SNTG1: variants seen among roughly 807,000 people sequenced by gnomAD.
SNTG1 encodes the protein syntrophin gamma 1.
A neutral mutation model predicts 74.7 loss-of-function variants in SNTG1; 39 were observed. The observed-to-expected ratio is 0.52, with a 90% CI of 0.40 to 0.68. SNTG1 has a LOEUF of 0.68. Among genes scored for constraint, SNTG1 ranks in the 30% least tolerant of loss-of-function variants. SNTG1 has a pLI of 0.00. For synonymous variants in SNTG1, 254 were observed against 217.1 expected, an observed-to-expected ratio of 1.17 and a Z score of -1.49; for missense variants, 685 against 609.5, an observed-to-expected ratio of 1.12 and a Z score of -1.30.
At chr8:50,100,621 A>G (rs1385728376) in intron 1 of SNTG1, among the ~76,000 whole-genome samples, 2 of 152,106 alleles carry the variant, frequency 1.3e-5, no homozygotes, top group East Asian at 1.9e-4. Context: ...TATTTACTTG[A>G]CAAACTTTTG....
chr8:50,429,794 G>C (rs573929239), intron 4 of SNTG1, among the ~76,000 whole-genome samples: 2 of 151,758 alleles, frequency 1.3e-5, no homozygotes, highest in African/African-American at 2.4e-5. Context: ...TCAATTAAAC[G>C]GGCAATCAAA....
chr8:50,742,925 T>C (rs1320485374), intron 17 of SNTG1, among the ~76,000 whole-genome samples: 1 of 151,772 alleles, frequency 6.6e-6, no homozygotes, highest in African/African-American at 2.4e-5. Context: ...ATAACCTAGA[T>C]GAAATAGATA....
intron 2 of SNTG1, among the ~76,000 whole-genome samples, chr8:50,242,632 C>T (rs933740051): frequency 2.6e-5 from 4 of 151,094 alleles, no homozygotes; most frequent in African/African-American, 9.7e-5. Flanking sequence ...GTACACATTC[C>T]AACTTGTGAG....
chr8:50,442,680 TAAAAAA>T (rs5891365), intron 5 of SNTG1, among the ~76,000 whole-genome samples: 58 of 81,166 alleles, frequency 7.1e-4, no homozygotes, highest in African/African-American at 2.7e-3. Context: ...TGTCTATCAG[TAAAAAA>T]AAAAAAAAAA....
chr8:50,727,170 G>C (rs1470748681), intron 17 of SNTG1, among the ~76,000 whole-genome samples: 1 of 152,060 alleles, frequency 6.6e-6, no homozygotes, highest in Admixed American at 6.6e-5. Flanking sequence ...AGGTGTGTGG[G>C]AATTAGAATT....
intron 2 of SNTG1, among the ~76,000 whole-genome samples, chr8:50,222,523 T>C (rs1345792416): frequency 6.6e-6 from 1 of 152,190 alleles, no homozygotes; most frequent in African/African-American, 2.4e-5. Flanking sequence ...TCTCTGAAAA[T>C]ATATGATAAA....
chr8:50,028,244 C>G lies in SNTG1; in HGVS notation c.-103+116013C>G, dbSNP rs75685983. On this transcript the variant is annotated intron_variant, in intron 1 of 18. Coordinates refer to ENST00000642720, the MANE Select transcript of SNTG1 (RefSeq NM_018967.5). Reference sequence around the variant, plus strand: ...ACTTTTGAGGTTGACTTTCCATATTCAGCTTAATGACCTTGAGATGGTAAA... The same window carrying G: ...ACTTTTGAGGTTGACTTTCCATATTGAGCTTAATGACCTTGAGATGGTAAA... Among the ~76,000 whole-genome samples, 1,514 of 152,252 alleles carry G rather than the reference C, an allele frequency of 9.9e-3. 19 individuals carry two copies. The highest frequency in any genetic ancestry group is 0.052 in the South Asian group (252 of 4,822).
chr8:49,944,748 G>A (rs1489387396), intron 1 of SNTG1, among the ~76,000 whole-genome samples: 1 of 150,146 alleles, frequency 6.7e-6, no homozygotes. Context: ...TCCATGTAAC[G>A]TCTACTTCAC....
chr8:50,443,891 T>C (rs557620356), intron 5 of SNTG1, among the ~76,000 whole-genome samples: 8 of 152,146 alleles, frequency 5.3e-5, no homozygotes, highest in Non-Finnish European at 8.8e-5. Context: ...CCCAGGACTT[T>C]AGGAGGCCAA....
intron 2 of SNTG1, among the ~76,000 whole-genome samples, chr8:50,248,353 A>G (rs1178220986): frequency 6.6e-6 from 1 of 152,138 alleles, no homozygotes; most frequent in Non-Finnish European, 1.5e-5. Context: ...TCCATATTTG[A>G]CTTTCAATTT....
intron 12 of SNTG1, among the ~76,000 whole-genome samples, chr8:50,564,827 A>G (rs998530436): frequency 6.6e-6 from 1 of 152,074 alleles, no homozygotes; most frequent in Non-Finnish European, 1.5e-5. Flanking sequence ...GGATGTTACA[A>G]TCTCCAATAA....
At chr8:50,385,357 G>A (rs568818210) in intron 2 of SNTG1, among the ~76,000 whole-genome samples, 8 of 152,262 alleles carry the variant, frequency 5.3e-5, no homozygotes, top group African/African-American at 1.7e-4. Flanking sequence ...CATAAGCAAG[G>A]CCAACTGCAA....
intron 15 of SNTG1, among the ~76,000 whole-genome samples, chr8:50,677,648 A>C (rs1039051836): frequency 6.6e-6 from 1 of 151,992 alleles, no homozygotes; most frequent in Non-Finnish European, 1.5e-5. Context: ...AAACTGTTTG[A>C]CCTTCCAAAA....
chr8:50,648,084 C>T (rs984974447), intron 13 of SNTG1, among the ~76,000 whole-genome samples: 1 of 152,120 alleles, frequency 6.6e-6, no homozygotes, highest in African/African-American at 2.4e-5. Context: ...ACTCCCTTTT[C>T]CTGTTTGGCA....
intron 2 of SNTG1, among the ~76,000 whole-genome samples, chr8:50,369,669 A>G (rs566753333): frequency 1.7e-3 from 258 of 151,824 alleles, no homozygotes; most frequent in Non-Finnish European, 2.6e-3. Flanking sequence ...GGACACAGCC[A>G]GAAGGTTGCT....
chr8:50,234,023 C>T (rs1375714536), intron 2 of SNTG1, among the ~76,000 whole-genome samples: 2 of 151,764 alleles, frequency 1.3e-5, no homozygotes, highest in South Asian at 4.1e-4. Context: ...CAGAAATTGA[C>T]CATGTTAACC....
chr8:50,167,934 CTAA>C (rs2082683705), intron 1 of SNTG1, among the ~76,000 whole-genome samples: 1 of 151,116 alleles, frequency 6.6e-6, no homozygotes, highest in African/African-American at 2.4e-5. Flanking sequence ...ATGATTTTTT[CTAA>C]TAATTTAAAA....
chr8:50,170,086 G>C (rs1026008123), intron 1 of SNTG1, among the ~76,000 whole-genome samples: 4 of 152,186 alleles, frequency 2.6e-5, no homozygotes, highest in Non-Finnish European at 5.9e-5. Flanking sequence ...GGCTGTGAGA[G>C]TGGTACTTTG....
intron 2 of SNTG1, among the ~76,000 whole-genome samples, chr8:50,214,568 C>T (rs905824074): frequency 1.3e-5 from 2 of 152,030 alleles, no homozygotes; most frequent in African/African-American, 2.4e-5. Flanking sequence ...TTTCTATGTA[C>T]TTGGAAAATT....
Sources: gnomAD v4.1 joint callset for allele counts (sites outside exome capture counted in the v4.1 genomes callset) on GRCh38, gnomAD v4.1.1 for gene constraint, MANE v1.5 for transcripts, NCBI Gene and HGNC (gene_info 2026-07-23, HGNC 2026-07-21) for gene names.